CECR2: variants seen among roughly 807,000 people sequenced by gnomAD.
CECR2 encodes the protein CECR2 histone acetyl-lysine reader, also known as chromatin remodeling regulator CECR2.
CECR2 carries 30 observed loss-of-function variants against 154.5 expected under a neutral mutation model. The ratio of observed to expected loss-of-function variants is 0.19; its 90% CI spans 0.15 to 0.26. CECR2 has a LOEUF of 0.26. CECR2 is among the 10% of genes least tolerant of loss of function. The pLI, the probability that CECR2 is intolerant of heterozygous loss-of-function variation, is 1.00. For synonymous variants in CECR2, 725 were observed against 683.7 expected, an observed-to-expected ratio of 1.06 and a Z score of -0.94; for missense variants, 1,743 against 1,829.3, an observed-to-expected ratio of 0.95 and a Z score of 0.86.
intron 2 of CECR2, among the ~76,000 whole-genome samples, chr22:17,486,967 G>A (rs2055432942): frequency 6.6e-6 from 1 of 152,176 alleles, no homozygotes; most frequent in Non-Finnish European, 1.5e-5. Flanking sequence ...TCTGGGTGGT[G>A]CTGATGCTGC....
intron 1 of CECR2, among the ~76,000 whole-genome samples, chr22:17,407,318 G>A (rs561908952): frequency 8.5e-5 from 13 of 152,294 alleles, no homozygotes; most frequent in Admixed American, 2.6e-4. Context: ...GAAAGAGGCC[G>A]GGTGCGGTGG....
At chr22:17,527,435 G>A (rs1164409855) in intron 9 of CECR2, among the ~76,000 whole-genome samples, 1 of 151,750 alleles carries the variant, frequency 6.6e-6, no homozygotes, top group Non-Finnish European at 1.5e-5. Context: ...TCCATCCTGG[G>A]CAATAGAGCG....
chr22:17,506,894 A>G (rs1048093346), intron 7 of CECR2, among the ~76,000 whole-genome samples: 2 of 152,060 alleles, frequency 1.3e-5, no homozygotes, highest in South Asian at 2.1e-4. Context: ...GCCACAAGTG[A>G]TCCACCCACC....
chr22:17,451,897 A>G (rs575833009), intron 1 of CECR2, among the ~76,000 whole-genome samples: 24 of 152,154 alleles, frequency 1.6e-4, no homozygotes, highest in Non-Finnish European at 3.4e-4. Context: ...TCTCAAAATA[A>G]TGGGAGTTTT....
At chr22:17,546,687 G>A (rs2056619337) in intron 16 of CECR2, among the ~76,000 whole-genome samples, 1 of 151,940 alleles carries the variant, frequency 6.6e-6, no homozygotes, top group Admixed American at 6.6e-5. Flanking sequence ...CTTCAGATCT[G>A]TTACCAGGAT....
chr22:17,409,119 T>C (rs1047801545), intron 1 of CECR2, among the ~76,000 whole-genome samples: 1 of 149,898 alleles, frequency 6.7e-6, no homozygotes, highest in African/African-American at 2.5e-5. Context: ...TGTTGTTGTT[T>C]TCTTGTTTTT....
intron 9 of CECR2, among the ~76,000 whole-genome samples, chr22:17,531,938 G>GC (rs1224452400): frequency 6.6e-6 from 1 of 152,172 alleles, no homozygotes; most frequent in East Asian, 1.9e-4. Context: ...GGAAGCCAAG[G>GC]CAGGAGAATT....
intron 1 of CECR2, among the ~76,000 whole-genome samples, chr22:17,442,055 CTT>C (rs2054592540): frequency 6.6e-6 from 1 of 152,158 alleles, no homozygotes; most frequent in Non-Finnish European, 1.5e-5. Context: ...ACTCTGGTCT[CTT>C]TGAAATTATA....
Position 17,553,100 on chromosome 22 carries a change from C to A in CECR2, c.*260C>A. The A allele has an allele frequency of 1.6e-6, 1 of 639,688 alleles. No individual in the cohort carries two copies. The highest frequency in any genetic ancestry group is 2.2e-6 in the Non-Finnish European group (1 of 452,468). 39.6% of individuals were successfully genotyped at this position (639,688 alleles called of 1,614,324 possible). ...TAGACAGTCAGGCAAAACTAATGAA[C>A]GTGGAGTTAATGATGACTTTTCCAA... On this transcript the variant is annotated 3_prime_UTR_variant, in exon 19 of 19. Transcript: ENST00000262608.
rs568714137 is a variant in CECR2 at position 17,375,597 on chromosome 22, T to G, written c.126+5688T>G. On this transcript the variant is annotated intron_variant, in intron 1 of 18. Coordinates refer to ENST00000262608, the MANE Select transcript of CECR2 (RefSeq NM_001290047.2). ...CACAGGGCCATGGTGAGGTGTAGAT[T>G]GTTGCTGTTTAAAACAGGGTGATTA... Among the ~76,000 whole-genome samples, 12 of 151,078 alleles carry G rather than the reference T, an allele frequency of 7.9e-5. No individual in the cohort carries two copies. The South Asian group carries it at 1.9e-3, about 24-fold the overall frequency.
At chr22:17,510,735 G>A (rs562127727) in intron 7 of CECR2, among the ~76,000 whole-genome samples, 24 of 152,256 alleles carry the variant, frequency 1.6e-4, no homozygotes, top group African/African-American at 5.3e-4. Context: ...CTGAGTAGCT[G>A]GGACTACAGG....
Position 17,404,364 on chromosome 22 carries a change from C to CCTT in CECR2, c.126+34455_126+34456insCTT, listed in dbSNP as rs781954770. Among the ~76,000 whole-genome samples, 56 of 59,636 alleles carry CCTT rather than the reference C, an allele frequency of 9.4e-4. 6 individuals carry two copies. Among genetic ancestry groups the CCTT allele is most frequent in the African/African-American group, 4.1e-3 (54 of 13,324 alleles). 39.1% of individuals were successfully genotyped at this position (59,636 alleles called of 152,430 possible). A position where few individuals can be genotyped will look rare whatever the true frequency, so the allele number is the denominator to read the frequency against. On this transcript the variant is annotated intron_variant, in intron 1 of 18. Transcript: ENST00000262608. ...TGTGGGTTCATTTCTGGACCCTGTT[C>CCTT]TTTCTTTTTTTTTTTTTTTTTTTTT... is the stretch of plus-strand genomic sequence containing the variant.
At chr22:17,435,729 A>G (rs1040668476) in intron 1 of CECR2, among the ~76,000 whole-genome samples, 1 of 150,038 alleles carries the variant, frequency 6.7e-6, no homozygotes, top group African/African-American at 2.5e-5. Context: ...GGACCATCCA[A>G]CTTAATCCAG....
chr22:17,473,650 T>A (rs1429368842), intron 1 of CECR2, among the ~76,000 whole-genome samples: 1 of 152,252 alleles, frequency 6.6e-6, no homozygotes, highest in Non-Finnish European at 1.5e-5. Flanking sequence ...ATGTGGCATT[T>A]ACTGTGTGCC....
chr22:17,535,011 CG>C (rs2038087556), intron 9 of CECR2, among the ~76,000 whole-genome samples: 1 of 151,764 alleles, frequency 6.6e-6, no homozygotes, highest in Non-Finnish European at 1.5e-5. Flanking sequence ...GTTAGCCAGG[CG>C]TGGTGGCGGG....
intron 6 of CECR2, among the ~76,000 whole-genome samples, chr22:17,503,629 CTG>C (rs2146892746): frequency 1.3e-5 from 2 of 152,322 alleles, no homozygotes; most frequent in East Asian, 1.9e-4. Context: ...CATTTCTAGA[CTG>C]TGAATATCTA....
chr22:17,492,601 G>GCA (rs2055551963), intron 2 of CECR2, among the ~76,000 whole-genome samples: 1 of 152,100 alleles, frequency 6.6e-6, no homozygotes, highest in Non-Finnish European at 1.5e-5. Context: ...GAAAAAAAGA[G>GCA]GTAATTAAGA....
At chr22:17,462,986 G>T (rs773089958) in intron 1 of CECR2, among the ~76,000 whole-genome samples, 5 of 152,208 alleles carry the variant, frequency 3.3e-5, no homozygotes, top group East Asian at 1.9e-4. Context: ...AGCAGACAAA[G>T]CTCCTCAAGG....
At chr22:17,498,813 T>C (rs981170327) in intron 3 of CECR2, among the ~76,000 whole-genome samples, 3 of 152,144 alleles carry the variant, frequency 2.0e-5, no homozygotes, top group Non-Finnish European at 4.4e-5. Context: ...TGTAAACTGT[T>C]CATCAGGATT....
Sources: gnomAD v4.1 joint callset for allele counts (sites outside exome capture counted in the v4.1 genomes callset) on GRCh38, gnomAD v4.1.1 for gene constraint, MANE v1.5 for transcripts, NCBI Gene and HGNC (gene_info 2026-07-23, HGNC 2026-07-21) for gene names.